The following EYS variants were observed in gnomAD, a reference collection of about 807,000 sequenced individuals.
EYS encodes protein eyes shut homolog.
Under a neutral mutation model 282.1 loss-of-function variants are expected in EYS, and 250 were observed. The observed-to-expected ratio is 0.89, with a 90% CI of 0.80 to 0.98. The LOEUF (loss-of-function observed/expected upper bound fraction) is 0.98, where lower values mean the gene tolerates loss of function less well. EYS is among the 50% of genes least tolerant of loss of function. EYS has a pLI of 0.00. For synonymous variants in EYS, 1,355 were observed against 1,282.9 expected, an observed-to-expected ratio of 1.06 and a Z score of -1.20; for missense variants, 4,016 against 3,709.0, an observed-to-expected ratio of 1.08 and a Z score of -2.15.
chr6:63,913,698 G>A (rs982473807), intron 35 of EYS, among the ~76,000 whole-genome samples: 3 of 152,166 alleles, frequency 2.0e-5, no homozygotes, highest in Admixed American at 1.3e-4. Flanking sequence ...TCTTCCGTAT[G>A]TATATACCAC....
chr6:63,913,694 G>A (rs998355747), intron 35 of EYS, among the ~76,000 whole-genome samples: 17 of 152,118 alleles, frequency 1.1e-4, no homozygotes, highest in East Asian at 3.9e-4. Context: ...GTTTTCTTCC[G>A]TATGTATATA....
intron 35 of EYS, among the ~76,000 whole-genome samples, chr6:63,907,757 C>A (rs902100134): frequency 6.6e-6 from 1 of 151,946 alleles, no homozygotes; most frequent in Non-Finnish European, 1.5e-5. Context: ...TTTCTCATCT[C>A]TTACTCCCCT....
chr6:65,422,047 T>G (rs1767486655), intron 5 of EYS, among the ~76,000 whole-genome samples: 1 of 151,934 alleles, frequency 6.6e-6, no homozygotes, highest in Non-Finnish European at 1.5e-5. Context: ...TGCTGATAGA[T>G]CGGCTTGACT....
intron 41 of EYS, among the ~76,000 whole-genome samples, chr6:63,756,246 A>G (rs1769480543): frequency 6.6e-6 from 1 of 152,166 alleles, no homozygotes; most frequent in Non-Finnish European, 1.5e-5. Context: ...CCCATTCAGT[A>G]TGATATTGTC....
intron 22 of EYS, among the ~76,000 whole-genome samples, chr6:64,723,089 A>AT (rs1554197052): frequency 6.6e-6 from 1 of 151,316 alleles, no homozygotes; most frequent in Non-Finnish European, 1.5e-5. Flanking sequence ...GCCCTAAGGA[A>AT]AAAAAAAAAA....
At chr6:65,222,635 C>T (rs78670165) in intron 12 of EYS, among the ~76,000 whole-genome samples, 15 of 152,188 alleles carry the variant, frequency 9.9e-5, no homozygotes, top group Admixed American at 2.0e-4. Context: ...CAGAATCAAA[C>T]GGAAATATAA....
chr6:64,372,350 A>G (rs1448803281), intron 29 of EYS, among the ~76,000 whole-genome samples: 1 of 152,064 alleles, frequency 6.6e-6, no homozygotes, highest in Non-Finnish European at 1.5e-5. Flanking sequence ...TTCTTTAAGA[A>G]TGCTGAATAT....
chr6:64,091,924 C>G (rs1053953242), intron 31 of EYS, among the ~76,000 whole-genome samples: 12 of 152,202 alleles, frequency 7.9e-5, no homozygotes, highest in African/African-American at 2.9e-4. Context: ...CAACAGGCCC[C>G]AGTGTGTGAT....
intron 8 of EYS, among the ~76,000 whole-genome samples, chr6:65,367,758 TAA>T (rs1764969743): frequency 6.6e-6 from 1 of 151,690 alleles, no homozygotes; most frequent in Non-Finnish European, 1.5e-5. Flanking sequence ...AGGTCTCCCT[TAA>T]ACATTTCTTA....
chr6:64,422,010 G>A (rs1378126805), intron 28 of EYS, among the ~76,000 whole-genome samples: 1 of 151,962 alleles, frequency 6.6e-6, no homozygotes, highest in Non-Finnish European at 1.5e-5. Flanking sequence ...AGTGAGGGAA[G>A]GGGTAGAATC....
At chr6:65,183,928 G>C (rs2150235289) in intron 12 of EYS, among the ~76,000 whole-genome samples, 1 of 151,990 alleles carries the variant, frequency 6.6e-6, no homozygotes, top group East Asian at 2.0e-4. Context: ...AATACAGTGT[G>C]TCTATACTGC....
chr6:64,786,188 A>AT (rs60974312), intron 22 of EYS, among the ~76,000 whole-genome samples: 62,063 of 141,472 alleles, frequency 0.44, 15,786 homozygotes, highest in Admixed American at 0.59. Flanking sequence ...CTGGTTCTAC[A>AT]TTTTTTTTTT....
At chr6:63,858,305 C>T (rs185500122) in intron 36 of EYS, among the ~76,000 whole-genome samples, 138 of 152,192 alleles carry the variant, frequency 9.1e-4, no homozygotes, top group African/African-American at 3.2e-3. Flanking sequence ...GGTGATCCAC[C>T]CACCGCGGCT....
intron 30 of EYS, among the ~76,000 whole-genome samples, chr6:64,297,977 C>CAAAAAAAA (rs34562408): frequency 8.3e-5 from 8 of 96,454 alleles, no homozygotes; most frequent in African/African-American, 3.1e-4. Context: ...GATTCTGTCT[C>CAAAAAAAA]AAAAAAAAAA....
chr6:64,159,868 G>T (rs1358672646), intron 31 of EYS, among the ~76,000 whole-genome samples: 2 of 152,154 alleles, frequency 1.3e-5, no homozygotes, highest in Non-Finnish European at 2.9e-5. Flanking sequence ...AGTTCTAAAA[G>T]CCAGCCTTAA....
intron 30 of EYS, among the ~76,000 whole-genome samples, chr6:64,252,506 C>G (rs1767250987): frequency 6.6e-6 from 1 of 152,052 alleles, no homozygotes; most frequent in Admixed American, 6.6e-5. Flanking sequence ...AAAATGTAAC[C>G]TGTTCACACA....
At chr6:63,875,808 G>A (rs1030817541) in intron 35 of EYS, among the ~76,000 whole-genome samples, 33 of 152,162 alleles carry the variant, frequency 2.2e-4, no homozygotes, top group Non-Finnish European at 3.5e-4. Flanking sequence ...CCATGGGATC[G>A]GTGGTGATAT....
chr6:65,601,247 A>G (rs367874007), intron 2 of EYS, among the ~76,000 whole-genome samples: 30 of 152,092 alleles, frequency 2.0e-4, no homozygotes, highest in Admixed American at 1.6e-3. Context: ...TTTTAATTCC[A>G]TAGGAACATA....
chr6:65,146,429 T>A (rs1016921085), intron 12 of EYS, among the ~76,000 whole-genome samples: 1 of 151,992 alleles, frequency 6.6e-6, no homozygotes, highest in African/African-American at 2.4e-5. Context: ...AGGATGTGAA[T>A]AAATCATGGA....
Sources: gnomAD v4.1 joint callset for allele counts (sites outside exome capture counted in the v4.1 genomes callset) on GRCh38, gnomAD v4.1.1 for gene constraint, MANE v1.5 for transcripts, NCBI Gene and HGNC (gene_info 2026-07-23, HGNC 2026-07-21) for gene names.